The following SEMA4G variants were observed in gnomAD, a reference collection of about 807,000 sequenced individuals.
SEMA4G encodes the protein semaphorin 4G.
In SEMA4G, 59 loss-of-function variants were observed where a neutral mutation model predicts 81.2. The ratio of observed to expected loss-of-function variants is 0.73; its 90% CI spans 0.59 to 0.90. SEMA4G has a LOEUF of 0.90. Ranked by LOEUF, SEMA4G falls within the 40% of genes least tolerant of loss-of-function variation. The probability of loss-of-function intolerance (pLI) is 0.00; values close to 1 mark genes in which losing one functional copy is unlikely to be tolerated. For synonymous variants in SEMA4G, 404 were observed against 433.9 expected, an observed-to-expected ratio of 0.93 and a Z score of 0.86; for missense variants, 952 against 1,102.3, an observed-to-expected ratio of 0.86 and a Z score of 1.93.
chr10:100,971,375 A>G (rs1850627362), upstream of SEMA4G, among the ~76,000 whole-genome samples: 1 of 152,212 alleles, frequency 6.6e-6, no homozygotes. Flanking sequence ...CTGCTGTCCC[A>G]GATCCCAAAC....
At chr10:100,978,314 T>C in exon 5 of SEMA4G, 2 of 1,613,464 alleles carry the variant, frequency 1.2e-6, no homozygotes, top group Non-Finnish European at 1.7e-6. Context: ...GCCTTCACCT[T>C]GCCAACCAGC....
At chr10:100,979,133 A>C (rs1850934544) in exon 8 of SEMA4G, 1 of 1,614,082 alleles carries the variant, frequency 6.2e-7, no homozygotes, top group African/African-American at 1.3e-5. Flanking sequence ...ATCCTGCAGA[A>C]GAAGTGGACT....
chr10:100,974,757 G>T (rs1316147886), intron 3 of SEMA4G, among the ~76,000 whole-genome samples: 1 of 152,108 alleles, frequency 6.6e-6, no homozygotes, highest in African/African-American at 2.4e-5. Context: ...AAAGAATAGG[G>T]TGTCTCCAGG....
chr10:100,981,809 G>A (rs1851091697), intron 13 of SEMA4G, among the ~76,000 whole-genome samples: 1 of 152,184 alleles, frequency 6.6e-6, no homozygotes, highest in Non-Finnish European at 1.5e-5. Context: ...TGTAATCCCA[G>A]CACTTCGGGA....
At chr10:100,980,253 G>A (rs1182151325) in exon 10 of SEMA4G, 7 of 1,614,122 alleles carry the variant, frequency 4.3e-6, no homozygotes, top group Non-Finnish European at 5.9e-6. Context: ...GGCCCCTGCT[G>A]CTCAAGCGCA....
chr10:100,980,527 T>C (rs1343040862), intron 10 of SEMA4G, 51 bp from the exon 12 acceptor site: 2 of 1,520,528 alleles, frequency 1.3e-6, no homozygotes, highest in Non-Finnish European at 9.1e-7. Flanking sequence ...TGCAGGGTGC[T>C]GAGAGCAGAT....
intron 12 of SEMA4G, 31 bp downstream of exon 13, chr10:100,981,028 G>A: frequency 1.9e-6 from 3 of 1,593,522 alleles, no homozygotes; most frequent in Non-Finnish European, 2.6e-6. Flanking sequence ...ACAGTCACAT[G>A]TGGTCTGAGT....
chr10:100,975,241 A>T (rs886850021), intron 3 of SEMA4G, among the ~76,000 whole-genome samples: 1 of 152,196 alleles, frequency 6.6e-6, no homozygotes, highest in African/African-American at 2.4e-5. Context: ...ATAAATGCAG[A>T]TGCTAAACTT....
chr10:100,978,445 C>T, intron 5 of SEMA4G, 57 bp downstream of exon 6: 1 of 1,596,922 alleles, frequency 6.3e-7, no homozygotes, highest in Non-Finnish European at 8.6e-7. Flanking sequence ...TGGATCTCAT[C>T]TCTAGGACCT....
rs758027922 is a variant in SEMA4G, at chr10:100,981,009, T to TG, written c.1628+33dup. 1.9e-6 allele frequency: 3 copies of TG among 1,591,456 alleles called. No homozygotes were observed. Among genetic ancestry groups the TG allele is most frequent in the African/African-American group, 1.3e-5 (1 of 74,408 alleles). Reference sequence around the variant, plus strand: ...TCCCAGGGAAGCAGGTGGGAAGTGGTGGGGGGTGACAGTCACATGTGGTCT... The same window carrying TG: ...TCCCAGGGAAGCAGGTGGGAAGTGGTGGGGGGGTGACAGTCACATGTGGTCT... On this transcript the variant is annotated intron_variant, in intron 12 of 13. Coordinates refer to ENST00000370250, the Ensembl canonical transcript of SEMA4G.
In SEMA4G at chr10:100,972,810, CTTGGACTTT is replaced by C; in HGVS notation, c.-102_-94del. The C allele has an allele frequency of 7.5e-7, 1 of 1,341,374 alleles. No individual in the cohort carries two copies. Among genetic ancestry groups the C allele is most frequent in the Non-Finnish European group, 1.0e-6 (1 of 979,028 alleles). The allele number at this position is 1,341,374 out of a possible 1,614,324, so 83.1% of individuals were successfully genotyped here. On this transcript the variant is annotated 5_prime_UTR_variant, in exon 1 of 14. An upstream open reading frame in the 5' UTR loses its in-frame stop. Coordinates refer to ENST00000370250, the Ensembl canonical transcript of SEMA4G. ...GACCCCTGACCTTCCAAGTGACTTC[CTTGGACTTT>C]GACCCCTGTGACTGTGCTTCCCATT...
At chr10:100,970,719 T>C (rs1395036637), upstream of SEMA4G, among the ~76,000 whole-genome samples, 2 of 152,176 alleles carry the variant, frequency 1.3e-5, no homozygotes, top group African/African-American at 4.8e-5. Context: ...CCTGTATGCA[T>C]GTGTGCTTGT....
chr10:100,984,411 C>G, exon 14 of SEMA4G: 7 of 1,467,482 alleles, frequency 4.8e-6, no homozygotes, highest in East Asian at 5.0e-5. Context: ...AGTTCCTATC[C>G]CCTAACCTAA....
chr10:100,978,989 C>G, exon 7 of SEMA4G: 1 of 1,614,120 alleles, frequency 6.2e-7, no homozygotes, highest in Non-Finnish European at 8.5e-7. Context: ...CAGCAGTCAC[C>G]GTGTGGCCCG....
rs1387484882 is a variant in SEMA4G, at chr10:100,973,265, G to C, written c.261G>C (p.Gly87=). Reference sequence around the variant, plus strand: ...TCAGTGCCAACGACATAGGAGATGGGGCTCACAAAGAGGTCAGGCCCTGGA... The same window carrying C: ...TCAGTGCCAACGACATAGGAGATGGCGCTCACAAAGAGGTCAGGCCCTGGA... The change falls in exon 2 of 14, where the codon GGG becomes GGC. Residue 87 remains glycine, a synonymous_variant. Coordinates refer to ENST00000370250, the Ensembl canonical transcript of SEMA4G. This position sits in a 1 kb window ranked among gnomAD's most constrained non-coding sequence, Gnocchi z 5.5. 5 of 1,612,882 alleles carry C rather than the reference G, an allele frequency of 3.1e-6. No individual in the cohort carries two copies. The highest frequency in any genetic ancestry group is 1.3e-5 in the African/African-American group (1 of 74,902).
intron 4 of SEMA4G, chr10:100,978,076 C>T: frequency 1.7e-6 from 1 of 583,938 alleles, no homozygotes; most frequent in South Asian, 2.0e-5. Context: ...GAGTGAATCT[C>T]TAGGTTGGCC....
At chr10:100,984,423 C>A in exon 14 of SEMA4G, 1 of 1,476,686 alleles carries the variant, frequency 6.8e-7, no homozygotes, top group Non-Finnish European at 9.0e-7. Context: ...CTAACCTAAA[C>A]ACTTATAGGT....
At chr10:100,981,457 T>C (rs1042990627) in intron 13 of SEMA4G, 2 of 1,614,214 alleles carry the variant, frequency 1.2e-6, no homozygotes, top group South Asian at 2.2e-5. Flanking sequence ...TTGTCACTTC[T>C]GGAGCTTATA....
intron 13 of SEMA4G, among the ~76,000 whole-genome samples, chr10:100,982,517 G>C (rs1851148223): frequency 6.6e-6 from 1 of 152,234 alleles, no homozygotes; most frequent in African/African-American, 2.4e-5. Context: ...GAAGGGCCGG[G>C]CACGGTGGCT....
Sources: gnomAD v4.1 joint callset for allele counts (sites outside exome capture counted in the v4.1 genomes callset) on GRCh38, gnomAD v4.1.1 for gene constraint, Gnocchi (gnomAD v3.1) non-coding constraint, MANE v1.5 for transcripts, NCBI Gene and HGNC (gene_info 2026-07-23, HGNC 2026-07-21) for gene names.